Variants in NRCAM observed in about 807,000 individuals in gnomAD.
NRCAM encodes the protein neuronal cell adhesion molecule.
A neutral mutation model predicts 156.5 loss-of-function variants in NRCAM; 83 were observed. That is an observed-to-expected ratio of 0.53 (90% CI 0.44 to 0.64). The LOEUF (loss-of-function observed/expected upper bound fraction) is 0.64. NRCAM is among the 30% of genes least tolerant of loss of function. NRCAM has a pLI of 0.00. For synonymous variants in NRCAM, 538 were observed against 563.9 expected (o/e 0.95, Z 0.65); for missense variants, 1,417 against 1,597.3 (o/e 0.89, Z 1.92).
chr7:108,353,600 C>T (rs2099446772), intron 2 of NRCAM, among the ~76,000 whole-genome samples: 1 of 152,210 alleles, frequency 6.6e-6, no homozygotes, highest in South Asian at 2.1e-4. Context: ...GGATTACAGG[C>T]ATGAACCACT....
At chr7:108,225,409 C>T (rs1485207883) in intron 10 of NRCAM, among the ~76,000 whole-genome samples, 1 of 152,142 alleles carries the variant, frequency 6.6e-6, no homozygotes. Flanking sequence ...TGGTTCTTTA[C>T]ACGCAAACAG....
chr7:108,182,946 G>T, intron 22 of NRCAM, 26 bp from the exon 23 acceptor site: 3 of 1,578,196 alleles, frequency 1.9e-6, no homozygotes, highest in Non-Finnish European at 2.6e-6. Flanking sequence ...AATAACCAGA[G>T]CTTATAACAC....
At chr7:108,284,320 G>T (rs2097986821) in intron 3 of NRCAM, among the ~76,000 whole-genome samples, 1 of 152,162 alleles carries the variant, frequency 6.6e-6, no homozygotes, top group African/African-American at 2.4e-5. Flanking sequence ...CCCAGTTCAG[G>T]TGAGTCTCTC....
At position 108,234,593 on chromosome 7, in the gene NRCAM, G is replaced by A. The variant is rs757475741; in HGVS notation, c.220C>T (p.Pro74Ser). 1.2e-5 allele frequency: 19 copies of A among 1,603,694 alleles called. No homozygotes were observed. In the Admixed American group the frequency reaches 3.2e-4, roughly 27 times the overall value. The change falls in exon 6 of 33, where the codon CCG (proline) becomes TCG (serine). Residue 74 changes from proline to serine, a missense_variant. Coordinates refer to ENST00000379028, the MANE Select transcript of NRCAM (RefSeq NM_001037132.4). ...IVIQCEAKGK[P>S]PPSFSWTRNG... ...AGAATGCACACTCACCTTGGGGGCG[G>A]TTTCCCTTTGGCTTCACACTGGATT...
chr7:108,455,716 G>A (rs936375670), intron 1 of NRCAM, among the ~76,000 whole-genome samples: 1 of 152,210 alleles, frequency 6.6e-6, no homozygotes, highest in Non-Finnish European at 1.5e-5. Context: ...CCCACGCCCA[G>A]ACGTGTCCGC....
chr7:108,188,444 A>C (rs1216218684), intron 20 of NRCAM, among the ~76,000 whole-genome samples: 1 of 152,008 alleles, frequency 6.6e-6, no homozygotes, highest in African/African-American at 2.4e-5. Flanking sequence ...AATTATGCTT[A>C]ATAATGTATT....
At chr7:108,264,618 A>G (rs779508184) in intron 3 of NRCAM, among the ~76,000 whole-genome samples, 5 of 152,210 alleles carry the variant, frequency 3.3e-5, no homozygotes, top group Non-Finnish European at 7.3e-5. Flanking sequence ...CGTTTATACA[A>G]TACCTATCTT....
At chr7:108,245,324 T>G (rs973793090) in intron 3 of NRCAM, among the ~76,000 whole-genome samples, 1 of 152,164 alleles carries the variant, frequency 6.6e-6, no homozygotes, top group African/African-American at 2.4e-5. Context: ...GTTTAGTTAC[T>G]GATGTTAAAA....
At chr7:108,389,630 T>C (rs1372372139) in intron 2 of NRCAM, among the ~76,000 whole-genome samples, 1 of 152,216 alleles carries the variant, frequency 6.6e-6, no homozygotes, top group Non-Finnish European at 1.5e-5. Flanking sequence ...CCCTGTCTTG[T>C]GCCAGTTTTC....
chr7:108,202,460 T>C (rs1227191976), intron 13 of NRCAM, among the ~76,000 whole-genome samples: 2 of 152,206 alleles, frequency 1.3e-5, no homozygotes, highest in African/African-American at 2.4e-5. Context: ...AATGGCAGCA[T>C]GTACTGGTTT....
chr7:108,287,556 G>A (rs1277595854), intron 3 of NRCAM, among the ~76,000 whole-genome samples: 1 of 151,964 alleles, frequency 6.6e-6, no homozygotes, highest in African/African-American at 2.4e-5. Flanking sequence ...AGACATACAA[G>A]TGGCCAACAA....
chr7:108,419,009 G>C (rs1430211423), intron 1 of NRCAM, among the ~76,000 whole-genome samples: 1 of 151,726 alleles, frequency 6.6e-6, no homozygotes, highest in Admixed American at 6.6e-5. Flanking sequence ...GCACTAACAG[G>C]ATATATGTAT....
chr7:108,374,512 G>A (rs2099657853), intron 2 of NRCAM, among the ~76,000 whole-genome samples: 1 of 152,104 alleles, frequency 6.6e-6, no homozygotes, highest in Non-Finnish European at 1.5e-5. Context: ...CAGGCCATCT[G>A]AATTCATTAT....
At chr7:108,273,225 T>C (rs553744032) in intron 3 of NRCAM, among the ~76,000 whole-genome samples, 3 of 152,338 alleles carry the variant, frequency 2.0e-5, no homozygotes, top group South Asian at 2.1e-4. Context: ...CATGTGTCTT[T>C]ATAGTAGCAT....
intron 29 of NRCAM, among the ~76,000 whole-genome samples, chr7:108,167,544 C>T (rs1022210218): frequency 6.6e-6 from 1 of 152,166 alleles, no homozygotes; most frequent in Non-Finnish European, 1.5e-5. Context: ...TTCCCAAGTA[C>T]CGGTTTTTCT....
At chr7:108,390,955 T>C (rs2099757732) in intron 2 of NRCAM, among the ~76,000 whole-genome samples, 1 of 152,244 alleles carries the variant, frequency 6.6e-6, no homozygotes, top group African/African-American at 2.4e-5. Context: ...TTATAGTTTC[T>C]GTTCTTTTAC....
chr7:108,377,315 T>C (rs1419956264), intron 2 of NRCAM, among the ~76,000 whole-genome samples: 3 of 152,182 alleles, frequency 2.0e-5, no homozygotes, highest in African/African-American at 7.2e-5. Flanking sequence ...ACTGTAGCAC[T>C]TTCACACTTG....
chr7:108,192,385 A>G (rs952878351), intron 17 of NRCAM, among the ~76,000 whole-genome samples: 1 of 152,086 alleles, frequency 6.6e-6, no homozygotes, highest in Non-Finnish European at 1.5e-5. Flanking sequence ...ATTACATGTA[A>G]TAATATATAT....
At chr7:108,188,062 T>TG (rs1180369708) in intron 20 of NRCAM, among the ~76,000 whole-genome samples, 1 of 152,194 alleles carries the variant, frequency 6.6e-6, no homozygotes, top group East Asian at 1.9e-4. Flanking sequence ...ACCACAATGC[T>TG]GGTCTGACAT....
Sources: allele counts gnomAD v4.1 joint callset (sites outside exome capture counted in the v4.1 genomes callset), GRCh38; gene constraint gnomAD v4.1.1; transcripts MANE v1.5; gene names NCBI Gene and HGNC (gene_info 2026-07-23, HGNC 2026-07-21).